The following LYPLAL1 variants were observed in gnomAD, a reference collection of about 807,000 sequenced individuals.
LYPLAL1 encodes the protein lysophospholipase-like protein 1.
A neutral mutation model predicts 19.7 loss-of-function variants in LYPLAL1; 23 were observed. That is an observed-to-expected ratio of 1.17 (90% CI 0.84 to 1.65). LYPLAL1 has a LOEUF of 1.65. LYPLAL1 is among the 40% of genes most tolerant of loss of function. The probability of loss-of-function intolerance (pLI) is 0.00; values close to 1 mark genes in which losing one functional copy is unlikely to be tolerated. For synonymous variants in LYPLAL1, 119 were observed against 96.3 expected, an observed-to-expected ratio of 1.24 and a Z score of -1.38; for missense variants, 355 against 279.4, an observed-to-expected ratio of 1.27 and a Z score of -1.93.
chr1:219,390,947 T>C, the LYPLAL1 span, among the ~76,000 whole-genome samples: 75 of 152,200 alleles, frequency 4.9e-4, no homozygotes, highest in Admixed American at 2.2e-3. Context: ...TTTCAATCTC[T>C]ACAGTTCTTG....
chr1:219,287,750 G>A, the LYPLAL1 span, among the ~76,000 whole-genome samples: 1 of 152,204 alleles, frequency 6.6e-6, no homozygotes, highest in Admixed American at 6.5e-5. Context: ...CAAATCTCGT[G>A]TCGAACTGTC....
the LYPLAL1 span, among the ~76,000 whole-genome samples, chr1:219,384,582 A>T: frequency 2.6e-5 from 4 of 152,354 alleles, no homozygotes; most frequent in East Asian, 7.7e-4. Context: ...TCCACAAATT[A>T]GGTCGGATGT....
the LYPLAL1 span, among the ~76,000 whole-genome samples, chr1:219,244,405 T>A: frequency 6.6e-6 from 1 of 152,112 alleles, no homozygotes; most frequent in Admixed American, 6.6e-5. Context: ...TGCAAGTTAT[T>A]TAAGACCTGG....
chr1:219,245,149 C>T, the LYPLAL1 span, among the ~76,000 whole-genome samples: 1 of 150,324 alleles, frequency 6.7e-6, no homozygotes, highest in Non-Finnish European at 1.5e-5. Flanking sequence ...TTCCTGCCTC[C>T]CTCCTTCCCT....
chr1:219,294,220 A>C, the LYPLAL1 span, among the ~76,000 whole-genome samples: 13 of 152,336 alleles, frequency 8.5e-5, no homozygotes, highest in Admixed American at 2.0e-4. Flanking sequence ...TCTCTCTGGA[A>C]GGATGCCTGC....
chr1:219,413,674 A>G, the LYPLAL1 span, among the ~76,000 whole-genome samples: 1 of 152,180 alleles, frequency 6.6e-6, no homozygotes, highest in South Asian at 2.1e-4. Flanking sequence ...TACCCTTTAA[A>G]ATAAGCAAAC....
At chr1:219,195,578 AGAT>A (rs1284732446) in intron 3 of LYPLAL1, among the ~76,000 whole-genome samples, 2 of 152,128 alleles carry the variant, frequency 1.3e-5, no homozygotes, top group Non-Finnish European at 2.9e-5. Context: ...TTCCTTTCCC[AGAT>A]CCATTACTTT....
intron 2 of LYPLAL1, among the ~76,000 whole-genome samples, chr1:219,180,871 A>G (rs984275223): frequency 6.6e-6 from 1 of 152,188 alleles, no homozygotes; most frequent in Non-Finnish European, 1.5e-5. Flanking sequence ...CATGTGCACT[A>G]AGCATTATTT....
the LYPLAL1 span, among the ~76,000 whole-genome samples, chr1:219,289,087 G>GTTT: frequency 5.7e-5 from 8 of 139,980 alleles, no homozygotes; most frequent in South Asian, 2.2e-4. Flanking sequence ...TGTTTTTTTT[G>GTTT]TTTTTTTTGC....
At chr1:219,411,874 G>C in the LYPLAL1 span, 1 of 167,710 alleles carries the variant, frequency 6.0e-6, no homozygotes, top group Non-Finnish European at 1.2e-5. Flanking sequence ...CTTCATTCTT[G>C]AAGTCAGTGA....
At chr1:219,236,793 T>C in the LYPLAL1 span, among the ~76,000 whole-genome samples, 19 of 152,170 alleles carry the variant, frequency 1.2e-4, no homozygotes, top group African/African-American at 4.6e-4. Flanking sequence ...GTGCAGGATG[T>C]GCAGGTTTGT....
intron 3 of LYPLAL1, among the ~76,000 whole-genome samples, chr1:219,207,129 A>G (rs1406836238): frequency 2.0e-5 from 3 of 152,102 alleles, no homozygotes; most frequent in Non-Finnish European, 4.4e-5. Flanking sequence ...CATTTGGCAG[A>G]CACATAATTC....
At chr1:219,322,039 T>C in the LYPLAL1 span, among the ~76,000 whole-genome samples, 7 of 152,216 alleles carry the variant, frequency 4.6e-5, no homozygotes, top group Non-Finnish European at 1.0e-4. Context: ...TATTTAGTTT[T>C]ATTTTATGGA....
chr1:219,390,290 A>G, the LYPLAL1 span, among the ~76,000 whole-genome samples: 1 of 152,144 alleles, frequency 6.6e-6, no homozygotes, highest in Admixed American at 6.5e-5. Flanking sequence ...TTTCCAGAGC[A>G]CCAGGAGGGG....
chr1:219,242,672 T>A, the LYPLAL1 span, among the ~76,000 whole-genome samples: 1 of 151,846 alleles, frequency 6.6e-6, no homozygotes, highest in Non-Finnish European at 1.5e-5. Context: ...CAATGAATCT[T>A]GCTATAAGAA....
the LYPLAL1 span, among the ~76,000 whole-genome samples, chr1:219,345,053 A>T: frequency 6.6e-6 from 1 of 152,212 alleles, no homozygotes; most frequent in Non-Finnish European, 1.5e-5. Flanking sequence ...CAGAAATGAT[A>T]ACTTTCTTTT....
the LYPLAL1 span, among the ~76,000 whole-genome samples, chr1:219,315,030 G>C: frequency 6.6e-6 from 1 of 152,156 alleles, no homozygotes; most frequent in East Asian, 1.9e-4. Flanking sequence ...GAGTATGGGT[G>C]TGTATGTTTT....
At chr1:219,397,869 C>T in the LYPLAL1 span, among the ~76,000 whole-genome samples, 1 of 152,110 alleles carries the variant, frequency 6.6e-6, no homozygotes, top group Non-Finnish European at 1.5e-5. Context: ...AAAAATGTTG[C>T]ATATTGCTCC....
the LYPLAL1 span, among the ~76,000 whole-genome samples, chr1:219,252,471 T>C: frequency 6.6e-6 from 1 of 152,102 alleles, no homozygotes; most frequent in Non-Finnish European, 1.5e-5. Context: ...ACCTAGTTTA[T>C]TGAGAGTTTA....
Sources: gnomAD v4.1 joint callset for allele counts (sites outside exome capture counted in the v4.1 genomes callset) on GRCh38, gnomAD v4.1.1 for gene constraint, MANE v1.5 for transcripts, NCBI Gene and HGNC (gene_info 2026-07-23, HGNC 2026-07-21) for gene names.